The following LHFPL3 variants were observed in gnomAD, a reference collection of about 807,000 sequenced individuals.
LHFPL3 encodes the protein LHFPL tetraspan subfamily member 3, also known as LHFPL tetraspan subfamily member 3 protein.
A neutral mutation model predicts 19.3 loss-of-function variants in LHFPL3; 5 were observed. That is an observed-to-expected ratio of 0.26 (90% CI 0.14 to 0.54). The LOEUF (loss-of-function observed/expected upper bound fraction) is 0.54. Among genes scored for constraint, LHFPL3 ranks in the 20% least tolerant of loss-of-function variants. LHFPL3 has a pLI of 0.94. For missense variants in LHFPL3, 249 were observed against 307.4 expected (o/e 0.81, Z 1.42); for synonymous variants, 133 against 126.2 (o/e 1.05, Z -0.36).
At chr7:104,467,746 G>A (rs533155971) in intron 1 of LHFPL3, among the ~76,000 whole-genome samples, 10 of 152,140 alleles carry the variant, frequency 6.6e-5, no homozygotes, top group Non-Finnish European at 1.2e-4. Flanking sequence ...TTAAAAACAT[G>A]GATTGATAGT....
intron 1 of LHFPL3, among the ~76,000 whole-genome samples, chr7:104,653,235 G>A (rs1254547303): frequency 6.6e-6 from 1 of 152,202 alleles, no homozygotes; most frequent in Non-Finnish European, 1.5e-5. Flanking sequence ...AGGCCCAGTG[G>A]AGAAGAGGGG....
intron 1 of LHFPL3, among the ~76,000 whole-genome samples, chr7:104,705,547 C>G (rs1793176357): frequency 6.6e-6 from 1 of 152,156 alleles, no homozygotes; most frequent in African/African-American, 2.4e-5. Context: ...GTAGGAGTCC[C>G]CAGGTCCAGT....
At chr7:104,865,429 C>T (rs1791703137) in intron 2 of LHFPL3, among the ~76,000 whole-genome samples, 1 of 152,114 alleles carries the variant, frequency 6.6e-6, no homozygotes, top group African/African-American at 2.4e-5. Flanking sequence ...ATGACGAATG[C>T]ACAAGCCTCA....
intron 2 of LHFPL3, chr7:104,826,756 A>G (rs186565571): frequency 2.1e-4 from 33 of 158,794 alleles, no homozygotes; most frequent in African/African-American, 7.0e-4. Context: ...CATAATCTCA[A>G]ACCCTGTGGT....
chr7:104,364,305 G>C (rs1365017657), intron 1 of LHFPL3, among the ~76,000 whole-genome samples: 2 of 152,174 alleles, frequency 1.3e-5, no homozygotes, highest in Admixed American at 6.5e-5. Flanking sequence ...TTCAGCATGT[G>C]GTCCAGCAAA....
intron 1 of LHFPL3, among the ~76,000 whole-genome samples, chr7:104,544,124 A>T (rs1260070549): frequency 6.6e-6 from 1 of 151,932 alleles, no homozygotes; most frequent in Non-Finnish European, 1.5e-5. Context: ...ATTCTAACTA[A>T]CCTAGGTGCT....
chr7:104,578,392 A>G (rs1374298791), intron 1 of LHFPL3, among the ~76,000 whole-genome samples: 2 of 152,232 alleles, frequency 1.3e-5, no homozygotes, highest in South Asian at 2.1e-4. Flanking sequence ...TGCTACATCC[A>G]TACTTCCCCT....
rs2115613773 is a variant in LHFPL3 at position 104,470,687 on chromosome 7, A to G, written c.445+141463A>G. ...GAAACTTGACCCAGGTCACACAGGT[A>G]GTAAGGGCCCAATAGAAATCTGAAC... On this transcript the variant is annotated intron_variant, in intron 1 of 2. Coordinates refer to ENST00000424859, the MANE Select transcript of LHFPL3 (RefSeq NM_199000.3). Among the ~76,000 whole-genome samples the G allele has an allele frequency of 1.3e-5, 2 of 152,314 alleles. 1 individual carries two copies. The highest frequency in any genetic ancestry group is 4.1e-4 in the South Asian group (2 of 4,828).
At chr7:104,831,516 C>T (rs1044827799) in intron 2 of LHFPL3, among the ~76,000 whole-genome samples, 3 of 151,896 alleles carry the variant, frequency 2.0e-5, no homozygotes, top group Non-Finnish European at 4.4e-5. Context: ...CAGAGTTGCT[C>T]ATTTCCATGG....
At chr7:104,599,419 A>G (rs1345142492) in intron 1 of LHFPL3, among the ~76,000 whole-genome samples, 1 of 152,202 alleles carries the variant, frequency 6.6e-6, no homozygotes, top group Non-Finnish European at 1.5e-5. Flanking sequence ...TTTGGGGTAG[A>G]AGTAATAGAA....
At chr7:104,479,138 G>A (rs527489887) in intron 1 of LHFPL3, among the ~76,000 whole-genome samples, 1 of 152,276 alleles carries the variant, frequency 6.6e-6, no homozygotes, top group Non-Finnish European at 1.5e-5. Context: ...AAATCTCCAA[G>A]CTCATAAGAC....
chr7:104,904,958 A>C (rs1290409244), intron 2 of LHFPL3, among the ~76,000 whole-genome samples: 1 of 152,074 alleles, frequency 6.6e-6, no homozygotes, highest in East Asian at 1.9e-4. Flanking sequence ...AAAGAAACAA[A>C]ATTTTTTGTG....
chr7:104,420,554 A>ATTTTTTTT (rs71153195), intron 1 of LHFPL3, among the ~76,000 whole-genome samples: 3 of 112,708 alleles, frequency 2.7e-5, no homozygotes, highest in Non-Finnish European at 3.5e-5. Context: ...CAAAGGGTGA[A>ATTTTTTTT]TTTTTTTTTT....
chr7:104,342,891 G>A (rs1239765039), intron 1 of LHFPL3, among the ~76,000 whole-genome samples: 1 of 152,060 alleles, frequency 6.6e-6, no homozygotes, highest in African/African-American at 2.4e-5. Context: ...AGAATGTTTT[G>A]GCCACACATA....
At chr7:104,810,817 G>A (rs1032405885) in intron 2 of LHFPL3, among the ~76,000 whole-genome samples, 9 of 152,228 alleles carry the variant, frequency 5.9e-5, no homozygotes, top group African/African-American at 1.4e-4. Flanking sequence ...GTAGGTCAGA[G>A]CTTGAAGAGA....
At chr7:104,656,658 C>A (rs2115965288) in intron 1 of LHFPL3, among the ~76,000 whole-genome samples, 1 of 152,332 alleles carries the variant, frequency 6.6e-6, no homozygotes, top group African/African-American at 2.4e-5. Flanking sequence ...AAATCCACAG[C>A]TCATGACCAC....
chr7:104,463,635 A>G (rs547270658), intron 1 of LHFPL3, among the ~76,000 whole-genome samples: 3 of 152,334 alleles, frequency 2.0e-5, no homozygotes, highest in African/African-American at 7.2e-5. Context: ...CCTTCTTCAC[A>G]TGGCAGCAGG....
intron 1 of LHFPL3, among the ~76,000 whole-genome samples, chr7:104,637,517 T>C (rs1189213668): frequency 6.6e-6 from 1 of 152,232 alleles, no homozygotes; most frequent in Non-Finnish European, 1.5e-5. Flanking sequence ...GTTTTAGATT[T>C]TGGATTTAAG....
chr7:104,867,562 A>G (rs887266945), intron 2 of LHFPL3, among the ~76,000 whole-genome samples: 156 of 152,080 alleles, frequency 1.0e-3, no homozygotes, highest in Middle Eastern at 3.4e-3. Flanking sequence ...CCAATAACAG[A>G]CTCTGAAATT....
Sources: gnomAD v4.1 joint callset for allele counts (sites outside exome capture counted in the v4.1 genomes callset) on GRCh38, gnomAD v4.1.1 for gene constraint, MANE v1.5 for transcripts, NCBI Gene and HGNC (gene_info 2026-07-23, HGNC 2026-07-21) for gene names.